Variants in CCDC33 observed in about 807,000 individuals in gnomAD.
CCDC33 encodes the protein coiled-coil domain-containing protein 33.
In CCDC33, 94 loss-of-function variants were observed where a neutral mutation model predicts 91.9. The observed-to-expected ratio is 1.02, with a 90% CI of 0.87 to 1.21. The LOEUF (loss-of-function observed/expected upper bound fraction) is 1.21, where lower values mean the gene tolerates loss of function less well. Ranked by LOEUF, CCDC33 falls within the 50% of genes most tolerant of loss-of-function variation. CCDC33 has a pLI of 0.00. For missense variants in CCDC33, 940 were observed against 935.5 expected (o/e 1.00, Z -0.06); for synonymous variants, 396 against 374.5 (o/e 1.06, Z -0.66).
At chr15:74,250,976 A>G (rs547703046) in intron 2 of CCDC33, among the ~76,000 whole-genome samples, 4 of 152,316 alleles carry the variant, frequency 2.6e-5, no homozygotes, top group Non-Finnish European at 4.4e-5. Context: ...TATCATAAGA[A>G]AGCCACAGGA....
chr15:74,281,864 CAGGGG>C lies in CCDC33; in HGVS notation c.1095+20_1095+24del. 1 of 1,611,716 alleles carries C rather than the reference CAGGGG, an allele frequency of 6.2e-7. No individual in the cohort carries two copies. ...TTTCCTCTGAGGTAAGGCTGTGGGC[CAGGGG>C]AGGGTCAGGGCCAGCAGGCACATGT... On this transcript the variant is annotated intron_variant, in intron 10 of 18. Coordinates refer to ENST00000398814, the MANE Select transcript of CCDC33 (RefSeq NM_025055.5).
chr15:74,261,924 T>C (rs2076034641), intron 2 of CCDC33, among the ~76,000 whole-genome samples: 1 of 152,222 alleles, frequency 6.6e-6, no homozygotes, highest in South Asian at 2.1e-4. Context: ...ATGTGCGTGC[T>C]TCATTGCAAG....
chr15:74,309,976 C>T (rs1428930321), intron 11 of CCDC33, among the ~76,000 whole-genome samples: 1 of 151,740 alleles, frequency 6.6e-6, no homozygotes, highest in Non-Finnish European at 1.5e-5. Flanking sequence ...AGCGAGATGC[C>T]GTCTCCACAA....
At chr15:74,277,470 TG>T in intron 7 of CCDC33, among the ~76,000 whole-genome samples, 2 of 152,352 alleles carry the variant, frequency 1.3e-5, no homozygotes, top group Non-Finnish European at 2.9e-5. Flanking sequence ...CCTCCATGGC[TG>T]GGGGTTAATG....
chr15:74,331,364 G>A, intron 15 of CCDC33, 68 bp downstream of exon 15: 2 of 1,522,660 alleles, frequency 1.3e-6, no homozygotes, highest in Non-Finnish European at 1.8e-6. Flanking sequence ...CTGCCTTCCT[G>A]GAGCCTCTCA....
At chr15:74,301,015 G>A (rs1433977253) in intron 11 of CCDC33, 1 of 152,296 alleles carries the variant, frequency 6.6e-6, no homozygotes, top group African/African-American at 2.4e-5. Flanking sequence ...CAAGTGTAGG[G>A]CCTCAGGCAG....
chr15:74,254,993 C>G (rs925263760), intron 2 of CCDC33, among the ~76,000 whole-genome samples: 1 of 152,134 alleles, frequency 6.6e-6, no homozygotes, highest in Non-Finnish European at 1.5e-5. Context: ...GGTGATCCAC[C>G]TGCCTCGGCC....
chr15:74,250,057 G>A (rs1456705916), intron 2 of CCDC33, among the ~76,000 whole-genome samples: 3 of 152,118 alleles, frequency 2.0e-5, no homozygotes, highest in Non-Finnish European at 4.4e-5. Flanking sequence ...CCATCCTGGT[G>A]TCAGGAATCA....
At chr15:74,278,579 C>T (rs1003000876) in intron 7 of CCDC33, among the ~76,000 whole-genome samples, 4 of 152,232 alleles carry the variant, frequency 2.6e-5, no homozygotes, top group African/African-American at 9.6e-5. Context: ...GATGCTGGGC[C>T]TCCCCCTGGA....
At position 74,245,780 on chromosome 15, in the gene CCDC33, G is replaced by C. The variant is rs553270423; in HGVS notation, c.185+1632G>C. ...GGTGGGGACAGAGAACGCGGGGAGG[G>C]GGGAGGGGAAAGCACTTCGCTGCAC... On this transcript the variant is annotated intron_variant, in intron 2 of 18. Coordinates refer to ENST00000398814, the MANE Select transcript of CCDC33 (RefSeq NM_025055.5). Among the ~76,000 whole-genome samples, 24 of 152,250 alleles carry C rather than the reference G, an allele frequency of 1.6e-4. No individual in the cohort carries two copies. The South Asian group carries it at 3.9e-3, about 25-fold the overall frequency.
At chr15:74,315,867 C>T (rs1371367594) in intron 11 of CCDC33, among the ~76,000 whole-genome samples, 1 of 152,060 alleles carries the variant, frequency 6.6e-6, no homozygotes, top group Non-Finnish European at 1.5e-5. Flanking sequence ...GGGACAGGAG[C>T]AGGACCACAG....
At chr15:74,278,108 T>A (rs1026640342) in intron 7 of CCDC33, among the ~76,000 whole-genome samples, 1 of 152,204 alleles carries the variant, frequency 6.6e-6, no homozygotes, top group Non-Finnish European at 1.5e-5. Flanking sequence ...CCATAAGAAG[T>A]GGGATGTTCC....
chr15:74,333,135 C>A, intron 16 of CCDC33: 2 of 1,132,612 alleles, frequency 1.8e-6, no homozygotes, highest in Non-Finnish European at 2.6e-6. Flanking sequence ...TGGCCTCCAC[C>A]TGGACCCTAC....
At chr15:74,325,137 C>A (rs2060284903) in intron 11 of CCDC33, among the ~76,000 whole-genome samples, 1 of 151,984 alleles carries the variant, frequency 6.6e-6, no homozygotes, top group Admixed American at 6.6e-5. Flanking sequence ...TGGCTCCCTG[C>A]TCTGGGCCTC....
Position 74,335,955 on chromosome 15 carries a change from C to A in CCDC33, c.2170C>A (p.Gln724Lys). 1 of 1,613,928 alleles carries A rather than the reference C, an allele frequency of 6.2e-7. No individual in the cohort carries two copies. Among genetic ancestry groups the A allele is most frequent in the Non-Finnish European group, 8.5e-7 (1 of 1,179,984 alleles). The change falls in exon 19 of 19, where the codon CAG becomes AAG. Residue 724 changes from glutamine (Q) to lysine (K), a missense_variant. Gln to Lys is a moderately conservative substitution (Grantham distance 53). Transcript: ENST00000398814. ...SALTHSMDLK[Q>K]PSELEPLLPS... ...CCTCACCCACTCCATGGACCTCAAG[C>A]AGCCCTCAGAGCTGGAGCCCCTGCT... is the stretch of plus-strand genomic sequence containing the variant.
At chr15:74,245,749 CGGGAGGGTG>C (rs2075507033) in intron 2 of CCDC33, among the ~76,000 whole-genome samples, 1 of 65,964 alleles carries the variant, frequency 1.5e-5, no homozygotes, top group Non-Finnish European at 3.5e-5. Context: ...GCACGTGGGG[CGGGAGGGTG>C]GGGACAGAGA....
In CCDC33 at chr15:74,207,854, G is replaced by A. The variant is rs955722246; in HGVS notation, n.90-1534G>A. 2.0e-6 allele frequency: 3 copies of A among 1,527,008 alleles called. No individual in the cohort carries two copies. In the African/African-American group the frequency reaches 4.1e-5, roughly 21 times the overall value. The allele number at this position is 1,527,008 out of a possible 1,614,324, so 94.6% of individuals were successfully genotyped here. A position where few individuals can be genotyped will look rare whatever the true frequency, so the allele number is the denominator to read the frequency against. The stretch of plus-strand genomic sequence containing the variant: ...ACATACGTGCTTAATTCTGGCACCA[G>A]ACCAAGTCTGACTCCACACAGTGGG... On this transcript the variant is annotated intron_variant and non_coding_transcript_variant, in intron 1 of 3. Transcript: ENST00000558645.
rs149414742 is a variant in CCDC33, at chr15:74,295,361, G to T, written c.1096-393G>T. 3.4e-4 allele frequency among the ~76,000 whole-genome samples: 52 copies of T among 152,314 alleles called. No homozygotes were observed. The East Asian group carries it at 9.6e-3, about 28-fold the overall frequency. ...ATGAACACAGTAAAATGGGATAAAT[G>T]AATAGAGAGTATATTGGAAGTGGGA... On this transcript the variant is annotated intron_variant, in intron 10 of 18. Transcript: ENST00000398814.
upstream of CCDC33, among the ~76,000 whole-genome samples, chr15:74,232,317 A>G (rs913240673): frequency 1.3e-5 from 2 of 152,198 alleles, no homozygotes; most frequent in African/African-American, 4.8e-5. Context: ...GACTATTTAC[A>G]ATACTGAGGG....
Sources: allele counts gnomAD v4.1 joint callset (sites outside exome capture counted in the v4.1 genomes callset), GRCh38; gene constraint gnomAD v4.1.1; transcripts MANE v1.5; gene names NCBI Gene and HGNC (gene_info 2026-07-23, HGNC 2026-07-21).